Variants in CCDC91 observed in about 807,000 individuals in gnomAD.
CCDC91 encodes coiled-coil domain containing 91, also known as coiled-coil domain-containing protein 91.
In CCDC91, 48 loss-of-function variants were observed where a neutral mutation model predicts 63.2. The ratio of observed to expected loss-of-function variants is 0.76; its 90% CI spans 0.60 to 0.97. The LOEUF (loss-of-function observed/expected upper bound fraction) is 0.97. CCDC91 is among the 50% of genes least tolerant of loss of function. CCDC91 has a pLI of 0.00. For synonymous variants in CCDC91, 167 were observed against 165.8 expected (o/e 1.01, Z -0.06); for missense variants, 500 against 494.6 (o/e 1.01, Z -0.10).
chr12:28,512,469 G>A (rs1939478173), intron 12 of CCDC91, among the ~76,000 whole-genome samples: 1 of 151,914 alleles, frequency 6.6e-6, no homozygotes, highest in African/African-American at 2.4e-5. Context: ...AGCACAGTAA[G>A]ACGTATTGTG....
intron 11 of CCDC91, among the ~76,000 whole-genome samples, chr12:28,459,446 T>G (rs1705613103): frequency 6.6e-6 from 1 of 152,102 alleles, no homozygotes; most frequent in African/African-American, 2.4e-5. Flanking sequence ...ATCAACTGGG[T>G]CTCCAACAAC....
rs1566043804 is a variant in CCDC91 at position 28,482,115 on chromosome 12, T to C, written c.1102-1937T>C. ...TATTTATACTTTTAATTGACTCATA[T>C]AATGTGAATATTCATATTCTTCACT... On this transcript the variant is annotated intron_variant, in intron 11 of 12. Transcript: ENST00000536442. Among the ~76,000 whole-genome samples the C allele has an allele frequency of 2.0e-5, 3 of 151,976 alleles. 1 individual carries two copies. The East Asian group carries it at 5.8e-4, about 29-fold the overall frequency.
chr12:28,429,917 A>T (rs1948538496), intron 8 of CCDC91, among the ~76,000 whole-genome samples: 1 of 152,030 alleles, frequency 6.6e-6, no homozygotes, highest in Admixed American at 6.6e-5. Flanking sequence ...AGAACTATCA[A>T]GTAGAATCTT....
chr12:28,359,140 C>T (rs572052445), intron 6 of CCDC91, among the ~76,000 whole-genome samples: 4 of 152,110 alleles, frequency 2.6e-5, no homozygotes, highest in East Asian at 1.9e-4. Flanking sequence ...GTGATCTGCC[C>T]GCCTCAGCCT....
chr12:28,278,685 T>C (rs1565721876), intron 3 of CCDC91, among the ~76,000 whole-genome samples: 1 of 152,102 alleles, frequency 6.6e-6, no homozygotes, highest in Non-Finnish European at 1.5e-5. Flanking sequence ...AAGTACTTGC[T>C]GTTCCCTAAA....
Position 28,455,655 on chromosome 12 carries a change from G to T in CCDC91, c.1101+3001G>T, listed in dbSNP as rs556663297. 1.6e-4 allele frequency among the ~76,000 whole-genome samples: 24 copies of T among 151,622 alleles called. 1 individual carries two copies. The highest frequency in any genetic ancestry group is 5.8e-4 in the African/African-American group (24 of 41,416). ...TAAGCAAATATATTAAGTTAGTTTA[G>T]CTAAAAAGGTATTTTTATGTTTTTT... On this transcript the variant is annotated intron_variant, in intron 11 of 12. Transcript: ENST00000536442.
chr12:28,206,358 T>G (rs138143277), intron 1 of CCDC91, among the ~76,000 whole-genome samples: 40 of 152,328 alleles, frequency 2.6e-4, no homozygotes, highest in African/African-American at 9.6e-4. Context: ...GGTTACAGTA[T>G]CCTCATGGTC....
chr12:28,340,150 T>C (rs1942310311), intron 6 of CCDC91, among the ~76,000 whole-genome samples: 1 of 152,222 alleles, frequency 6.6e-6, no homozygotes, highest in Non-Finnish European at 1.5e-5. Context: ...AATGTTTAAC[T>C]CATTTAAGAA....
intron 6 of CCDC91, among the ~76,000 whole-genome samples, chr12:28,337,507 A>G (rs186832162): frequency 5.3e-5 from 8 of 152,024 alleles, no homozygotes; most frequent in Middle Eastern, 3.4e-3. Flanking sequence ...TTTATGCAGG[A>G]AAGTCTGTCT....
chr12:28,251,954 T>G (rs1201320966), intron 1 of CCDC91, among the ~76,000 whole-genome samples: 2 of 152,162 alleles, frequency 1.3e-5, no homozygotes, highest in African/African-American at 4.8e-5. Context: ...CTTGGTTTAC[T>G]CCATAGCTTT....
chr12:28,238,483 C>G (rs1481808465), intron 1 of CCDC91, among the ~76,000 whole-genome samples: 1 of 152,082 alleles, frequency 6.6e-6, no homozygotes, highest in Admixed American at 6.5e-5. Context: ...ATGTGAGTTA[C>G]TAGAGCCTTT....
At chr12:28,435,546 T>TG (rs1249534002) in intron 8 of CCDC91, among the ~76,000 whole-genome samples, 1 of 151,880 alleles carries the variant, frequency 6.6e-6, no homozygotes, top group Admixed American at 6.6e-5. Flanking sequence ...TCTATGCTAG[T>TG]GAATGTTCCA....
chr12:28,278,284 T>G (rs1948378295), intron 3 of CCDC91, among the ~76,000 whole-genome samples: 1 of 152,036 alleles, frequency 6.6e-6, no homozygotes, highest in South Asian at 2.1e-4. Flanking sequence ...CCCTTTTGAC[T>G]TCTTTACTTA....
At chr12:28,276,448 T>C (rs1565718140) in intron 3 of CCDC91, among the ~76,000 whole-genome samples, 3 of 152,012 alleles carry the variant, frequency 2.0e-5, no homozygotes, top group Admixed American at 1.3e-4. Context: ...ATAACTATTT[T>C]CTTTCTCTTA....
At chr12:28,464,861 T>TG (rs1288205737) in intron 11 of CCDC91, among the ~76,000 whole-genome samples, 1 of 151,950 alleles carries the variant, frequency 6.6e-6, no homozygotes, top group Non-Finnish European at 1.5e-5. Flanking sequence ...TCGGTCTCAG[T>TG]GGGGTAGAGC....
At chr12:28,517,506 A>G (rs1940081489) in intron 12 of CCDC91, among the ~76,000 whole-genome samples, 4 of 151,972 alleles carry the variant, frequency 2.6e-5, no homozygotes, top group Non-Finnish European at 5.9e-5. Flanking sequence ...GCTACTAAAC[A>G]ATGTTGTCAA....
chr12:28,452,462 T>G lies in CCDC91; in HGVS notation c.925-16T>G. On this transcript the variant is annotated splice_polypyrimidine_tract_variant and intron_variant, in intron 10 of 12. Coordinates refer to ENST00000536442, the MANE Select transcript of CCDC91 (RefSeq NM_018318.5). The stretch of plus-strand genomic sequence containing the variant: ...GCAGTCTTTCAAATTTGTTCTGGTC[T>G]TTATTTATTTTGAAGCTTGAAAAAG... The G allele has an allele frequency of 6.6e-7, 1 of 1,510,982 alleles. No homozygotes were observed. Among genetic ancestry groups the G allele is most frequent in the Non-Finnish European group, 9.0e-7 (1 of 1,112,470 alleles). The allele number at this position is 1,510,982 out of a possible 1,614,324, so 93.6% of individuals were successfully genotyped here.
intron 8 of CCDC91, among the ~76,000 whole-genome samples, chr12:28,426,929 T>C (rs1948351014): frequency 6.6e-6 from 1 of 152,174 alleles, no homozygotes; most frequent in South Asian, 2.1e-4. Flanking sequence ...TAATGTAAAT[T>C]TGGCTAAGAA....
chr12:28,516,572 C>T (rs1324291101), intron 12 of CCDC91, among the ~76,000 whole-genome samples: 6 of 151,798 alleles, frequency 4.0e-5, no homozygotes, highest in Non-Finnish European at 8.8e-5. Flanking sequence ...CCACTGTACT[C>T]CAGCCTGGGT....
Sources: gnomAD v4.1 joint callset for allele counts (sites outside exome capture counted in the v4.1 genomes callset) on GRCh38, gnomAD v4.1.1 for gene constraint, MANE v1.5 for transcripts, NCBI Gene and HGNC (gene_info 2026-07-23, HGNC 2026-07-21) for gene names.